Variants in NAV2 observed in about 807,000 individuals in gnomAD.
NAV2 encodes the protein neuron navigator 2, also known as helicase, APC down-regulated 1.
A neutral mutation model predicts 223.2 loss-of-function variants in NAV2; 54 were observed. The ratio of observed to expected loss-of-function variants is 0.24; its 90% confidence interval spans 0.19 to 0.30. The LOEUF (loss-of-function observed/expected upper bound fraction) is 0.30. Among genes scored for constraint, NAV2 ranks in the 10% least tolerant of loss-of-function variants. The pLI, the probability that NAV2 is intolerant of heterozygous loss-of-function variation, is 1.00. For synonymous variants in NAV2, 1,279 were observed against 1,239.3 expected (o/e 1.03, Z -0.67); for missense variants, 2,806 against 3,147.5 (o/e 0.89, Z 2.60).
intron 11 of NAV2, among the ~76,000 whole-genome samples, chr11:20,028,706 G>A (rs1172103409): frequency 2.6e-5 from 4 of 152,048 alleles, no homozygotes; most frequent in East Asian, 1.9e-4. Flanking sequence ...CTTTCCATCC[G>A]GGGGAAAATG....
chr11:19,726,032 C>T (rs886773557), intron 1 of NAV2, among the ~76,000 whole-genome samples: 1 of 152,138 alleles, frequency 6.6e-6, no homozygotes, highest in Admixed American at 6.5e-5. Context: ...CCGAGGCCCT[C>T]GCCGTTCTGC....
chr11:19,491,532 C>A (rs1189472001), intron 1 of NAV2, among the ~76,000 whole-genome samples: 1 of 152,192 alleles, frequency 6.6e-6, no homozygotes, highest in Non-Finnish European at 1.5e-5. Context: ...CTGCAGCTTC[C>A]TCATCTCTCT....
At chr11:20,052,468 C>T (rs372237831) in intron 17 of NAV2, among the ~76,000 whole-genome samples, 1 of 152,218 alleles carries the variant, frequency 6.6e-6, no homozygotes, top group South Asian at 2.1e-4. Flanking sequence ...TGCTTGTCAG[C>T]AACCATGCCA....
chr11:20,114,450 C>G, intron 36 of NAV2, 142 bp from the exon 37 acceptor site: 1 of 740,202 alleles, frequency 1.4e-6, no homozygotes, highest in Admixed American at 2.4e-5. Context: ...GGATGACTTC[C>G]TGAGCATGGA....
At chr11:19,410,036 T>A (rs894907545) in intron 1 of NAV2, among the ~76,000 whole-genome samples, 1 of 152,094 alleles carries the variant, frequency 6.6e-6, no homozygotes, top group Admixed American at 6.5e-5. Flanking sequence ...CCCCACTAGG[T>A]GAGGCCCCAG....
intron 10 of NAV2, among the ~76,000 whole-genome samples, chr11:19,972,138 A>G (rs2049305948): frequency 6.6e-6 from 1 of 152,236 alleles, no homozygotes; most frequent in Non-Finnish European, 1.5e-5. Context: ...ATAGCTCCAC[A>G]ACAACTCAAA....
intron 1 of NAV2, among the ~76,000 whole-genome samples, chr11:19,571,429 G>A (rs992576325): frequency 9.2e-5 from 14 of 152,262 alleles, no homozygotes; most frequent in East Asian, 3.9e-4. Context: ...AAAACTTTTC[G>A]GCTAGGCACA....
chr11:19,828,227 AT>A (rs1448976614), intron 1 of NAV2, among the ~76,000 whole-genome samples: 2 of 152,194 alleles, frequency 1.3e-5, no homozygotes, highest in African/African-American at 4.8e-5. Context: ...TTTTTCACAT[AT>A]ACAATTTAGT....
chr11:19,465,580 C>T (rs911625654), intron 1 of NAV2, among the ~76,000 whole-genome samples: 5 of 152,086 alleles, frequency 3.3e-5, no homozygotes, highest in African/African-American at 7.2e-5. Flanking sequence ...AACAGGAACT[C>T]GAGAGAAAGT....
chr11:19,778,808 A>G (rs2056499360), intron 1 of NAV2, among the ~76,000 whole-genome samples: 1 of 152,158 alleles, frequency 6.6e-6, no homozygotes. Flanking sequence ...TTCTCCAACC[A>G]GACTGGTGTG....
At chr11:19,369,726 T>C (rs73428676) in intron 1 of NAV2, among the ~76,000 whole-genome samples, 12,710 of 152,208 alleles carry the variant, frequency 0.084, 528 homozygotes, top group Middle Eastern at 0.15. Flanking sequence ...CAGCATACTC[T>C]ATCTGAAAAA....
At chr11:19,760,584 A>C (rs1391927741) in intron 1 of NAV2, among the ~76,000 whole-genome samples, 1 of 152,142 alleles carries the variant, frequency 6.6e-6, no homozygotes. Context: ...GGGTCTTACT[A>C]TGCCAGGCTT....
intron 1 of NAV2, among the ~76,000 whole-genome samples, chr11:19,663,926 C>G (rs2048349536): frequency 6.6e-6 from 1 of 152,218 alleles, no homozygotes; most frequent in Non-Finnish European, 1.5e-5. Flanking sequence ...TACCACTCCC[C>G]ACTCCAATAC....
At chr11:19,581,978 C>A (rs1469513739) in intron 1 of NAV2, among the ~76,000 whole-genome samples, 1 of 152,204 alleles carries the variant, frequency 6.6e-6, no homozygotes, top group Non-Finnish European at 1.5e-5. Context: ...TACAGTCCCA[C>A]CAACAGTGTA....
At chr11:19,528,396 C>T (rs563050142) in intron 1 of NAV2, among the ~76,000 whole-genome samples, 5 of 152,184 alleles carry the variant, frequency 3.3e-5, no homozygotes, top group Admixed American at 1.3e-4. Flanking sequence ...GAGAACAGTG[C>T]GCCATGTCTC....
intron 3 of NAV2, among the ~76,000 whole-genome samples, chr11:19,863,711 T>TTC (rs569599265): frequency 7.9e-5 from 12 of 152,208 alleles, no homozygotes; most frequent in Non-Finnish European, 1.5e-4. Context: ...CCCAACACTC[T>TTC]TCTCTTTCAC....
At chr11:19,564,669 C>T (rs995774394) in intron 1 of NAV2, among the ~76,000 whole-genome samples, 4 of 134,380 alleles carry the variant, frequency 3.0e-5, no homozygotes, top group Middle Eastern at 3.2e-3. Flanking sequence ...CCCTTCCTGC[C>T]GTCCCCTAGA....
rs1242263156 is a variant in NAV2 at position 19,554,461 on chromosome 11, T to A, written c.75+203434T>A. On this transcript the variant is annotated intron_variant, in intron 1 of 37. Coordinates refer to the NAV2 transcript ENST00000360655. Reference sequence around the variant, plus strand: ...CCATTGCCCAGCTCCTCCCCACTCATGGGGTAGGCTTTTGTTAGAAAATGC... The same window carrying A: ...CCATTGCCCAGCTCCTCCCCACTCAAGGGGTAGGCTTTTGTTAGAAAATGC... Among the ~76,000 whole-genome samples the A allele has an allele frequency of 5.9e-5, 9 of 152,174 alleles. 1 individual carries two copies. Among genetic ancestry groups the A allele is most frequent in the Admixed American group, 5.9e-4 (9 of 15,276 alleles).
Position 19,917,713 on chromosome 11 carries a change from A to G in NAV2, c.932-15463A>G, listed in dbSNP as rs142475374. 3.9e-3 allele frequency among the ~76,000 whole-genome samples: 589 copies of G among 152,274 alleles called. 5 individuals are homozygous for G. Among genetic ancestry groups the G allele is most frequent in the African/African-American group, 0.013 (529 of 41,542 alleles). ...CTGCAACCTCCGCCTCCTGGGTTCA[A>G]GTGATTCTCCTGCCTCAGCCTCCCA... is the stretch of plus-strand genomic sequence containing the variant. On this transcript the variant is annotated intron_variant, in intron 6 of 37. Coordinates refer to ENST00000349880, the MANE Select transcript of NAV2 (RefSeq NM_145117.5).
Sources: allele counts gnomAD v4.1 joint callset (sites outside exome capture counted in the v4.1 genomes callset), GRCh38; gene constraint gnomAD v4.1.1; transcripts MANE v1.5; gene names NCBI Gene and HGNC (gene_info 2026-07-23, HGNC 2026-07-21).